The following UBP1 variants were observed in gnomAD, a reference collection of about 807,000 sequenced individuals.
UBP1 encodes upstream binding protein 1, also known as upstream-binding protein 1.
UBP1 carries 22 observed loss-of-function variants against 76.1 expected under a neutral mutation model. The observed-to-expected ratio is 0.29, with a 90% CI of 0.21 to 0.41. UBP1 has a LOEUF of 0.41. UBP1 is among the 10% of genes least tolerant of loss of function. The pLI, the probability that UBP1 is intolerant of heterozygous loss-of-function variation, is 1.00. For synonymous variants in UBP1, 224 were observed against 237.1 expected, an observed-to-expected ratio of 0.94 and a Z score of 0.51; for missense variants, 436 against 668.1, an observed-to-expected ratio of 0.65 and a Z score of 3.83.
At chr3:33,395,311 C>G (rs60776541) in intron 13 of UBP1, among the ~76,000 whole-genome samples, 1 of 152,082 alleles carries the variant, frequency 6.6e-6, no homozygotes, top group South Asian at 2.1e-4. Context: ...AACTGCATCT[C>G]TGAATGCCAT....
chr3:33,390,542 T>C, intron 15 of UBP1, 174 bp from the exon 16 acceptor site: 2 of 665,758 alleles, frequency 3.0e-6, no homozygotes, highest in Non-Finnish European at 2.6e-6. Flanking sequence ...CCAAAAAACT[T>C]CATGTACACA....
chr3:33,432,568 A>G (rs537364189), intron 1 of UBP1, among the ~76,000 whole-genome samples: 97 of 152,370 alleles, frequency 6.4e-4, no homozygotes, highest in Admixed American at 2.3e-3. Flanking sequence ...ACTGCTAAAA[A>G]TAAGAGATCC....
chr3:33,435,330 T>A (rs895020689), intron 1 of UBP1, among the ~76,000 whole-genome samples: 2 of 152,228 alleles, frequency 1.3e-5, no homozygotes, highest in Non-Finnish European at 2.9e-5. Context: ...AACCCATTTT[T>A]AAATTTCACT....
chr3:33,439,640 G>C, intron 1 of UBP1, 96 bp downstream of exon 1: 1 of 1,364,044 alleles, frequency 7.3e-7, no homozygotes, highest in African/African-American at 1.5e-5. Flanking sequence ...GGAGGCCCGC[G>C]CACCTCTGGG....
At position 33,398,345 on chromosome 3, in the gene UBP1, A is replaced by C. The variant is rs561535298; in HGVS notation, c.1181-1210T>G. The C allele has an allele frequency of 3.9e-5, 6 of 152,356 alleles. No individual in the cohort carries two copies. The East Asian group carries it at 1.2e-3, about 29-fold the overall frequency. 9.4% of individuals were successfully genotyped at this position (152,356 alleles called of 1,614,324 possible). ...AGAAGCACATCTCCCATGAGACATGAGCATTAATAGAGTCATTTTATAGAG... is the reference window on the plus strand; with the variant it reads ...AGAAGCACATCTCCCATGAGACATGCGCATTAATAGAGTCATTTTATAGAG... On this transcript the variant is annotated intron_variant, in intron 11 of 15. Transcript: ENST00000283629.
rs2045268215 is a variant in UBP1 at position 33,440,087 on chromosome 3, A to T, written c.-239T>A. 2.3e-6 allele frequency: 1 copy of T among 431,554 alleles called. No homozygotes were observed. Among genetic ancestry groups the T allele is most frequent in the Non-Finnish European group, 4.0e-6 (1 of 247,522 alleles). The allele number at this position is 431,554 out of a possible 1,614,324, so 26.7% of individuals were successfully genotyped here. A position where few individuals can be genotyped will look rare whatever the true frequency, so the allele number is the denominator to read the frequency against. ...CCGGCAGCGCCACCCTCCCGCGGAC[A>T]CCGGCCCTGCGCCTCATGCCGGCGC... is the stretch of plus-strand genomic sequence containing the variant. On this transcript the variant is annotated 5_prime_UTR_variant, in exon 1 of 16. Transcript: ENST00000283629.
chr3:33,438,184 A>G (rs1445249274), intron 1 of UBP1, among the ~76,000 whole-genome samples: 1 of 152,258 alleles, frequency 6.6e-6, no homozygotes, highest in Non-Finnish European at 1.5e-5. Flanking sequence ...TACATTAATA[A>G]GTTGGCTGAA....
At chr3:33,403,072 A>G (rs915827463) in intron 8 of UBP1, among the ~76,000 whole-genome samples, 168 bp from the exon 9 acceptor site, 17 of 152,210 alleles carry the variant, frequency 1.1e-4, no homozygotes, top group African/African-American at 4.1e-4. Flanking sequence ...TGTGGCAAAG[A>G]AAAGTTTTAC....
chr3:33,426,037 AT>A (rs138140891), intron 1 of UBP1, among the ~76,000 whole-genome samples: 2 of 85,688 alleles, frequency 2.3e-5, no homozygotes, highest in African/African-American at 8.3e-5. Flanking sequence ...ATATATATAT[AT>A]AGCACTTTAA....
chr3:33,412,616 A>G, intron 4 of UBP1, 106 bp downstream of exon 4: 2 of 774,052 alleles, frequency 2.6e-6, no homozygotes, highest in Non-Finnish European at 4.3e-6. Flanking sequence ...ATCCACAAAC[A>G]CCAAAACTTT....
chr3:33,389,242 A>ATGAT lies in UBP1; in HGVS notation c.*1085_*1088dup, dbSNP rs1025407240. The ATGAT allele has an allele frequency of 7.2e-5, 11 of 152,642 alleles. No individual in the cohort carries two copies. Among genetic ancestry groups the ATGAT allele is most frequent in the African/African-American group, 2.7e-4 (11 of 41,464 alleles). 9.5% of individuals were successfully genotyped at this position (152,642 alleles called of 1,614,324 possible). On this transcript the variant is annotated 3_prime_UTR_variant, in exon 16 of 16. Transcript: ENST00000283629. ...TAAATCATCACCAGAATGTCTATCC[A>ATGAT]TGATTGTACTAAAGCTCAATATTTG...
chr3:33,436,100 C>A (rs189144473), intron 1 of UBP1, among the ~76,000 whole-genome samples: 1 of 152,160 alleles, frequency 6.6e-6, no homozygotes, highest in Admixed American at 6.5e-5. Flanking sequence ...ATTCTGTTAC[C>A]TTACAGGATC....
chr3:33,433,390 G>C (rs1456221869), intron 1 of UBP1, among the ~76,000 whole-genome samples: 1 of 114,234 alleles, frequency 8.8e-6, no homozygotes, highest in African/African-American at 3.5e-5. Flanking sequence ...AAAAAAAAAA[G>C]ACTACCATAG....
At chr3:33,400,061 T>G in intron 11 of UBP1, 128 bp downstream of exon 11, 1 of 524,756 alleles carries the variant, frequency 1.9e-6, no homozygotes, top group Non-Finnish European at 3.1e-6. Flanking sequence ...AAAGAACTTC[T>G]CTGTACATTT....
At chr3:33,417,776 A>G (rs2044767689) in intron 2 of UBP1, among the ~76,000 whole-genome samples, 1 of 152,230 alleles carries the variant, frequency 6.6e-6, no homozygotes, top group Non-Finnish European at 1.5e-5. Context: ...AATGCTTATA[A>G]TATCACATGA....
At chr3:33,431,460 G>A (rs1490535240) in intron 1 of UBP1, among the ~76,000 whole-genome samples, 2 of 152,046 alleles carry the variant, frequency 1.3e-5, no homozygotes, top group South Asian at 2.1e-4. Context: ...AAGTTCCGCC[G>A]GGTGCAGTGG....
rs1301764447 is a variant in UBP1 at position 33,388,803 on chromosome 3, T to C, written c.*1528A>G. The C allele has an allele frequency of 6.6e-6, 1 of 152,208 alleles. No homozygotes were observed. Among genetic ancestry groups the C allele is most frequent in the African/African-American group, 2.4e-5 (1 of 41,452 alleles). 9.4% of individuals were successfully genotyped at this position (152,208 alleles called of 1,614,324 possible). A position where few individuals can be genotyped will look rare whatever the true frequency, so the allele number is the denominator to read the frequency against. ...ATAGATCGTGCTTCTTTGTAGCAAATAATTAACCCCCTTTATGAATAAAAC... is the reference window on the plus strand; with the variant it reads ...ATAGATCGTGCTTCTTTGTAGCAAACAATTAACCCCCTTTATGAATAAAAC... On this transcript the variant is annotated 3_prime_UTR_variant, in exon 16 of 16. Coordinates refer to ENST00000283629, the MANE Select transcript of UBP1 (RefSeq NM_014517.5).
At position 33,401,998 on chromosome 3, in the gene UBP1, C is replaced by T. The variant is rs568879311; in HGVS notation, c.1031+803G>A. Among the ~76,000 whole-genome samples, 4 of 149,850 alleles carry T rather than the reference C, an allele frequency of 2.7e-5. No homozygotes were observed. The East Asian group carries it at 7.7e-4, about 29-fold the overall frequency. On this transcript the variant is annotated intron_variant, in intron 9 of 15. Transcript: ENST00000283629. The stretch of plus-strand genomic sequence containing the variant: ...CAACAAGCTGCCTTCTCAGTTTATC[C>T]ATCTCCTCAGGGGGAGAGCACATTT...
At chr3:33,425,473 A>G in intron 2 of UBP1, 117 bp downstream of exon 2, 1 of 1,140,770 alleles carries the variant, frequency 8.8e-7, no homozygotes, top group Non-Finnish European at 1.2e-6. Context: ...AAGTTGTAAA[A>G]TTTAAGAAAA....
Sources: gnomAD v4.1 joint callset for allele counts (sites outside exome capture counted in the v4.1 genomes callset) on GRCh38, gnomAD v4.1.1 for gene constraint, MANE v1.5 for transcripts, NCBI Gene and HGNC (gene_info 2026-07-23, HGNC 2026-07-21) for gene names.